Variants in CDH23 observed in about 807,000 individuals in gnomAD.
CDH23 encodes the protein cadherin related 23.
Under a neutral mutation model 317.1 loss-of-function variants are expected in CDH23, and 189 were observed. The observed-to-expected ratio is 0.60, with a 90% CI of 0.53 to 0.67. The LOEUF (loss-of-function observed/expected upper bound fraction) is 0.67, where lower values mean the gene tolerates loss of function less well. Among genes scored for constraint, CDH23 ranks in the 30% least tolerant of loss-of-function variants. The pLI is 0.00. For missense variants in CDH23, 4,401 were observed against 4,592.4 expected (o/e 0.96, Z 1.20); for synonymous variants, 1,839 against 1,876.8 (o/e 0.98, Z 0.52).
At position 71,789,286 on chromosome 10, in the gene CDH23, T is replaced by A. The variant is rs114572467; in HGVS notation, c.5923+244T>A. Among the ~76,000 whole-genome samples, 479 of 152,260 alleles carry A rather than the reference T, an allele frequency of 3.1e-3. 3 individuals carry two copies. The highest frequency in any genetic ancestry group is 0.011 in the African/African-American group (446 of 41,548). On this transcript the variant is annotated intron_variant, in intron 45 of 69. Coordinates refer to ENST00000224721, the MANE Select transcript of CDH23 (RefSeq NM_022124.6). Reference sequence around the variant, plus strand: ...GTGGTCATTGTTCCCCAGGGTGGTCTGAGAGCTGCCCCACCATCCCTCAAG... The same window carrying A: ...GTGGTCATTGTTCCCCAGGGTGGTCAGAGAGCTGCCCCACCATCCCTCAAG...
intron 14 of CDH23, among the ~76,000 whole-genome samples, chr10:71,653,901 G>A (rs1402979254): frequency 6.6e-6 from 1 of 152,180 alleles, no homozygotes; most frequent in East Asian, 1.9e-4. Flanking sequence ...GTCTTATCTG[G>A]GAGTCGGTGG....
rs200553795 is a variant in CDH23 at position 71,704,992 on chromosome 10, C to G, written c.2815C>G (p.Leu939Val). 5 of 1,612,766 alleles carry G rather than the reference C, an allele frequency of 3.1e-6. No homozygotes were observed. The African/African-American group carries it at 6.7e-5, about 22-fold the overall frequency. ...MPVGMPRMDF[L>V]INSSSGVVVT... is the part of the protein sequence containing the mutation. ...GGTGGGCATGCCCCGCATGGACTTC[C>G]TCATCAACAGCAGCAGCGGCGTGGT... The change falls in exon 25 of 70, where the codon CTC becomes GTC. Residue 939 changes from leucine to valine, a missense_variant. By Grantham distance (32) the Leu-to-Val change is conservative. This residue lies in a region of CDH23 where 3,068 missense variants were observed against 3,203.3 expected (regional missense o/e 0.96). Coordinates refer to ENST00000224721, the MANE Select transcript of CDH23 (RefSeq NM_022124.6).
intron 1 of CDH23, among the ~76,000 whole-genome samples, chr10:71,436,633 T>C (rs1330774651): frequency 2.6e-5 from 4 of 152,172 alleles, no homozygotes; most frequent in Non-Finnish European, 4.4e-5. Flanking sequence ...TTTTGGAAGA[T>C]TGAATAAAAA....
At chr10:71,690,826 G>C (rs1056712969) in intron 20 of CDH23, among the ~76,000 whole-genome samples, 1 of 152,252 alleles carries the variant, frequency 6.6e-6, no homozygotes, top group Admixed American at 6.5e-5. Context: ...GTTGTATTAT[G>C]TTTTAAATGT....
intron 11 of CDH23, among the ~76,000 whole-genome samples, chr10:71,625,402 A>AC (rs1861672939): frequency 4.6e-5 from 6 of 129,382 alleles, no homozygotes; most frequent in Non-Finnish European, 8.4e-5. Context: ...AAATTAAAAA[A>AC]AAAAAAAAAA....
chr10:71,711,189 T>G (rs1454045766), intron 27 of CDH23, among the ~76,000 whole-genome samples: 1 of 152,168 alleles, frequency 6.6e-6, no homozygotes, highest in Admixed American at 6.5e-5. Context: ...GCCCTCACTT[T>G]GGGCATTGCC....
chr10:71,767,204 C>T (rs1251738312), intron 38 of CDH23, among the ~76,000 whole-genome samples: 1 of 152,230 alleles, frequency 6.6e-6, no homozygotes, highest in Non-Finnish European at 1.5e-5. Context: ...TCACCTCTCT[C>T]CACCCAGCAG....
At chr10:71,474,906 G>C (rs935261890) in intron 3 of CDH23, among the ~76,000 whole-genome samples, 16 of 152,214 alleles carry the variant, frequency 1.1e-4, no homozygotes, top group African/African-American at 3.9e-4. Flanking sequence ...CTGAGCCTTA[G>C]TTTCCCCATC....
At chr10:71,799,663 T>A (rs1841503174) in intron 52 of CDH23, 34 bp downstream of exon 52, 2 of 1,613,864 alleles carry the variant, frequency 1.2e-6, no homozygotes, top group Non-Finnish European at 1.7e-6. Flanking sequence ...AATTTGGAAG[T>A]GGGAAGGACC....
rs1484840044 is a variant in CDH23 at position 71,423,370 on chromosome 10, G to A, written c.-5-16457G>A. ...TGGTGCCTCTACAGGGCTGTGGCTT[G>A]GCAACAATCAAATGTCCAGCTGTGC... On this transcript the variant is annotated intron_variant, in intron 1 of 69. Transcript: ENST00000224721. 2.0e-5 allele frequency among the ~76,000 whole-genome samples: 3 copies of A among 152,190 alleles called. No homozygotes were observed. The East Asian group carries it at 5.8e-4, about 29-fold the overall frequency.
rs1184583529 is a variant in CDH23 at position 71,739,670 on chromosome 10, C to T, written c.4386C>T (p.Asn1462=). 6.2e-7 allele frequency: 1 copy of T among 1,613,236 alleles called. No individual in the cohort carries two copies. The highest frequency in any genetic ancestry group is 1.1e-5 in the South Asian group (1 of 90,878). ...TGGTCTTCTCCCTGGCCTCTGGCAA[C>T]ATCGCGGGGGCCTTTGAGATCGTCA... ...GQVVFSLASG[N]IAGAFEIVTT... The change falls in exon 36 of 70, where the codon AAC becomes AAT. Residue 1462 remains asparagine, a synonymous_variant. Coordinates refer to ENST00000224721, the MANE Select transcript of CDH23 (RefSeq NM_022124.6).
intron 38 of CDH23, among the ~76,000 whole-genome samples, chr10:71,766,829 C>A (rs764479327): frequency 1.3e-5 from 2 of 152,156 alleles, no homozygotes; most frequent in Non-Finnish European, 2.9e-5. Context: ...GGAAGAGCCA[C>A]CCACCTCTCC....
intron 27 of CDH23, chr10:71,711,636 T>C (rs952835314): frequency 3.9e-5 from 6 of 152,156 alleles, no homozygotes; most frequent in Non-Finnish European, 5.9e-5. Context: ...AAGCCCGTGT[T>C]CCTGAATGCA....
Position 71,741,830 on chromosome 10 carries a change from T to A in CDH23, c.4754T>A (p.Ile1585Asn). ...CGCATGGACCGCATCAGCGGTGAGA[T>A]CGCCACACGGCCTGCCCCGCCTGAC... Reference protein sequence around the residue: ...AFRMDRISGEIATRPAPPDRE... With the variant: ...AFRMDRISGENATRPAPPDRE... The change falls in exon 38 of 70, where the codon ATC becomes AAC. Residue 1585 changes from isoleucine to asparagine, a missense_variant. Ile to Asn is a moderately radical substitution (Grantham distance 149). This residue lies in a region of CDH23 where 3,068 missense variants were observed against 3,203.3 expected (regional missense o/e 0.96). Transcript: ENST00000224721. The A allele has an allele frequency of 6.2e-7, 1 of 1,611,768 alleles. No homozygotes were observed. The highest frequency in any genetic ancestry group is 1.7e-4 in the Middle Eastern group (1 of 6,058).
At chr10:71,716,465 T>C in intron 28 of CDH23, 2 of 724,600 alleles carry the variant, frequency 2.8e-6, no homozygotes, top group Non-Finnish European at 4.5e-6. Flanking sequence ...GACAGCATCA[T>C]GGCCACATCA....
At chr10:71,570,994 C>A in intron 8 of CDH23, 76 bp downstream of exon 8, 1 of 1,542,086 alleles carries the variant, frequency 6.5e-7, no homozygotes, top group Non-Finnish European at 8.9e-7. Context: ...TAGGGATGGG[C>A]CCTGTTAGTG....
At chr10:71,685,127 C>A (rs751033838) in intron 18 of CDH23, among the ~76,000 whole-genome samples, 18 of 152,304 alleles carry the variant, frequency 1.2e-4, no homozygotes, top group Non-Finnish European at 2.2e-4. Flanking sequence ...TGACTGAGAC[C>A]AGTGCTTCTC....
intron 34 of CDH23, among the ~76,000 whole-genome samples, chr10:71,736,925 G>A (rs1437773567): frequency 6.6e-6 from 1 of 152,194 alleles, no homozygotes; most frequent in East Asian, 1.9e-4. Context: ...CAAGCTGAGA[G>A]CGTCAGAATG....
rs1296631764 is a variant in CDH23 at position 71,570,819 on chromosome 10, C to A, written c.654C>A (p.Thr218=). 6.2e-7 allele frequency: 1 copy of A among 1,613,818 alleles called. No homozygotes were observed. The highest frequency in any genetic ancestry group is 8.5e-7 in the Non-Finnish European group (1 of 1,179,798). The change falls in exon 8 of 70, where the codon ACC becomes ACA. Residue 218 remains threonine, a synonymous_variant. Coordinates refer to ENST00000224721, the MANE Select transcript of CDH23 (RefSeq NM_022124.6). ...AAGACAAGACCAGGCCTCTGTCCAC[C>A]CTGGCCAACTTGGCCATCATCATCA... The part of the protein sequence containing the change: ...TDQDKTRPLS[T]LANLAIIITD...
Sources: allele counts gnomAD v4.1 joint callset (sites outside exome capture counted in the v4.1 genomes callset), GRCh38; gene constraint gnomAD v4.1.1; regional missense constraint gnomAD v4.1.1; transcripts MANE v1.5; gene names NCBI Gene and HGNC (gene_info 2026-07-23, HGNC 2026-07-21).